The following MYO1H variants were observed in gnomAD, a reference collection of about 807,000 sequenced individuals.
The protein encoded by MYO1H is unconventional myosin-Ih.
MYO1H carries 118 observed loss-of-function variants against 149.3 expected under a neutral mutation model. The ratio of observed to expected loss-of-function variants is 0.79; its 90% confidence interval spans 0.68 to 0.92. The LOEUF is 0.92. Ranked by LOEUF, MYO1H falls within the 40% of genes least tolerant of loss-of-function variation. MYO1H has a pLI of 0.00. For missense variants in MYO1H, 1,212 were observed against 1,280.7 expected, an observed-to-expected ratio of 0.95 and a Z score of 0.82; for synonymous variants, 447 against 465.2, an observed-to-expected ratio of 0.96 and a Z score of 0.50.
Position 109,426,916 on chromosome 12 carries a change from G to A in MYO1H, c.1832-553G>A, listed in dbSNP as rs564124604. Among the ~76,000 whole-genome samples the A allele has an allele frequency of 1.4e-3, 220 of 152,264 alleles. 2 individuals carry two copies. Among genetic ancestry groups the A allele is most frequent in the African/African-American group, 5.2e-3 (214 of 41,552 alleles). ...GGGGCAACAGCGCTACTCCTCTCCT[G>A]CCAGCTGTTGCCATGTGGGACTCTG... On this transcript the variant is annotated intron_variant, in intron 18 of 31. Transcript: ENST00000310903.
At chr12:109,393,558 T>TCCAC in intron 3 of MYO1H, 112 bp downstream of exon 3, 1 of 662,938 alleles carries the variant, frequency 1.5e-6, no homozygotes, top group Non-Finnish European at 2.7e-6. Context: ...CATCCATCCA[T>TCCAC]CCATCCATCC....
intron 1 of MYO1H, among the ~76,000 whole-genome samples, chr12:109,385,956 C>T (rs1869297300): frequency 6.6e-6 from 1 of 152,260 alleles, no homozygotes; most frequent in South Asian, 2.1e-4. Context: ...GATAGATATA[C>T]TCATGTAACC....
upstream of MYO1H, among the ~76,000 whole-genome samples, chr12:109,343,327 A>G (rs1290868731): frequency 2.0e-5 from 3 of 152,156 alleles, no homozygotes; most frequent in Non-Finnish European, 2.9e-5. Flanking sequence ...GTAGAATGCA[A>G]TTTAAGGGAT....
chr12:109,426,184 TC>T, intron 18 of MYO1H, 133 bp downstream of exon 18: 1 of 691,998 alleles, frequency 1.4e-6, no homozygotes, highest in Non-Finnish European at 2.6e-6. Flanking sequence ...CATTTTCCTT[TC>T]TAAATGATAG....
At chr12:109,445,018 T>C (rs1350284863) in intron 30 of MYO1H, among the ~76,000 whole-genome samples, 2 of 152,176 alleles carry the variant, frequency 1.3e-5, no homozygotes, top group Non-Finnish European at 2.9e-5. Context: ...CATAAGTAAC[T>C]TTTTTCCGTC....
At chr12:109,340,311 G>T in the MYO1H span, among the ~76,000 whole-genome samples, 1 of 152,152 alleles carries the variant, frequency 6.6e-6, no homozygotes, top group South Asian at 2.1e-4. Context: ...CTCCCGAGTA[G>T]CTGGGATTAC....
intron 1 of MYO1H, among the ~76,000 whole-genome samples, chr12:109,384,226 T>C (rs2137028043): frequency 6.6e-6 from 1 of 152,306 alleles, no homozygotes; most frequent in East Asian, 1.9e-4. Context: ...GACTCAGTCA[T>C]GGTACCTGCT....
At chr12:109,429,012 C>T (rs11066556) in intron 19 of MYO1H, among the ~76,000 whole-genome samples, 28,919 of 152,054 alleles carry the variant, frequency 0.19, 3,150 homozygotes, top group African/African-American at 0.29. Context: ...AGTTCAAGAC[C>T]AGCCTGACCA....
chr12:109,371,213 C>CTTTTTT (rs34350111), intron 1 of MYO1H, among the ~76,000 whole-genome samples: 176 of 118,286 alleles, frequency 1.5e-3, no homozygotes, highest in Non-Finnish European at 2.0e-3. Flanking sequence ...TTTTTTCTTT[C>CTTTTTT]TTTTTTTTTT....
At chr12:109,446,205 A>G in intron 31 of MYO1H, 1 of 966,702 alleles carries the variant, frequency 1.0e-6, no homozygotes, top group Non-Finnish European at 1.2e-6. Context: ...GTTAGGGAGA[A>G]GTCTAGCCTG....
At chr12:109,327,379 C>T in the MYO1H span, among the ~76,000 whole-genome samples, 71 of 151,630 alleles carry the variant, frequency 4.7e-4, 2 homozygotes, top group South Asian at 0.014. Context: ...GTGATCCACC[C>T]GCCTCGGCCA....
At chr12:109,377,287 A>G (rs929360515) in intron 1 of MYO1H, among the ~76,000 whole-genome samples, 1 of 152,202 alleles carries the variant, frequency 6.6e-6, no homozygotes, top group Non-Finnish European at 1.5e-5. Flanking sequence ...AAGATTGGGC[A>G]TCTGCACGTG....
chr12:109,419,107 G>C (rs768722018), intron 15 of MYO1H, among the ~76,000 whole-genome samples: 3 of 152,086 alleles, frequency 2.0e-5, no homozygotes, highest in African/African-American at 4.8e-5. Flanking sequence ...GTCTCCTTTG[G>C]GGGGACCACA....
chr12:109,421,050 T>A, intron 16 of MYO1H, 23 bp downstream of exon 16: 2 of 1,460,898 alleles, frequency 1.4e-6, no homozygotes, highest in South Asian at 1.2e-5. Flanking sequence ...CTTAACTGTA[T>A]GTGTTTCTGA....
At chr12:109,331,045 G>A in the MYO1H span, among the ~76,000 whole-genome samples, 1 of 152,046 alleles carries the variant, frequency 6.6e-6, no homozygotes, top group Non-Finnish European at 1.5e-5. Flanking sequence ...GTTATGCCAC[G>A]GATAAATTTC....
At chr12:109,391,394 C>T (rs1278818699) in intron 2 of MYO1H, among the ~76,000 whole-genome samples, 1 of 152,200 alleles carries the variant, frequency 6.6e-6, no homozygotes, top group Non-Finnish European at 1.5e-5. Flanking sequence ...TTCCATGTCC[C>T]AGCAAAGGAC....
chr12:109,324,013 GA>G, the MYO1H span, among the ~76,000 whole-genome samples: 42,876 of 141,656 alleles, frequency 0.3, 6,758 homozygotes, highest in African/African-American at 0.44. Flanking sequence ...CCTGACTCAA[GA>G]AAAAAAAAAA....
In MYO1H at chr12:109,367,230, T is replaced by C. The variant is rs117322229; in HGVS notation, c.12+19258T>C. Among the ~76,000 whole-genome samples the C allele has an allele frequency of 8.1e-3, 1,235 of 152,312 alleles. 8 individuals carry two copies. The highest frequency in any genetic ancestry group is 0.024 in the Middle Eastern group (7 of 294). On this transcript the variant is annotated intron_variant, in intron 1 of 31. Coordinates refer to ENST00000310903, the Ensembl canonical transcript of MYO1H. ...ATATTCACAGTGCATAGGAAAAGGCTAATTTCCTAACTTTACAAAGAGACC... is the reference window on the plus strand; with the variant it reads ...ATATTCACAGTGCATAGGAAAAGGCCAATTTCCTAACTTTACAAAGAGACC...
At chr12:109,445,724 C>G in intron 31 of MYO1H, 112 bp downstream of exon 31, 1 of 1,407,558 alleles carries the variant, frequency 7.1e-7, no homozygotes, top group Non-Finnish European at 9.2e-7. Context: ...ATTAATAGTT[C>G]ATTTCTGCCC....
Sources: gnomAD v4.1 joint callset for allele counts (sites outside exome capture counted in the v4.1 genomes callset) on GRCh38, gnomAD v4.1.1 for gene constraint, MANE v1.5 for transcripts, NCBI Gene and HGNC (gene_info 2026-07-23, HGNC 2026-07-21) for gene names.